Variants in FAM3C observed in about 807,000 individuals in gnomAD.
FAM3C encodes protein FAM3C.
FAM3C carries 15 observed loss-of-function variants against 32.5 expected under a neutral mutation model. The ratio of observed to expected loss-of-function variants is 0.46; its 90% CI spans 0.31 to 0.71. The LOEUF is 0.71. Among genes scored for constraint, FAM3C ranks in the 30% least tolerant of loss-of-function variants. FAM3C has a pLI of 0.05. For missense variants in FAM3C, 175 were observed against 274.4 expected, an observed-to-expected ratio of 0.64 and a Z score of 2.56; for synonymous variants, 75 against 86.1, an observed-to-expected ratio of 0.87 and a Z score of 0.72.
chr7:121,395,704 C>T (rs1037143615), intron 1 of FAM3C, among the ~76,000 whole-genome samples: 2 of 152,138 alleles, frequency 1.3e-5, no homozygotes, highest in East Asian at 1.9e-4. Context: ...GTATAGGCGA[C>T]ACTAAAACTT....
At chr7:121,352,244 C>T (rs1793721044) in intron 8 of FAM3C, among the ~76,000 whole-genome samples, 1 of 151,986 alleles carries the variant, frequency 6.6e-6, no homozygotes, top group Admixed American at 6.6e-5. Context: ...TCAAGTAGCT[C>T]CTTTAATATC....
chr7:121,354,658 G>A (rs1249404364), intron 8 of FAM3C, among the ~76,000 whole-genome samples: 1 of 152,140 alleles, frequency 6.6e-6, no homozygotes, highest in African/African-American at 2.4e-5. Flanking sequence ...AAGCTGGGAA[G>A]GAGAAAGTCT....
chr7:121,382,261 A>G (rs1425749602), intron 2 of FAM3C, among the ~76,000 whole-genome samples: 1 of 152,166 alleles, frequency 6.6e-6, no homozygotes, highest in Non-Finnish European at 1.5e-5. Flanking sequence ...TATTATGAAC[A>G]TCTAATGGTG....
At chr7:121,384,468 C>T (rs775082357) in intron 1 of FAM3C, among the ~76,000 whole-genome samples, 6 of 152,160 alleles carry the variant, frequency 3.9e-5, no homozygotes, top group African/African-American at 1.4e-4. Flanking sequence ...TTCCTGCCAG[C>T]TAATTTTCCA....
chr7:121,374,221 G>T (rs1794200079), intron 3 of FAM3C, among the ~76,000 whole-genome samples: 1 of 152,056 alleles, frequency 6.6e-6, no homozygotes, highest in Non-Finnish European at 1.5e-5. Flanking sequence ...GGGAGAAACT[G>T]AGTAAACAGT....
chr7:121,390,246 C>T (rs1794548076), intron 1 of FAM3C, among the ~76,000 whole-genome samples: 1 of 152,152 alleles, frequency 6.6e-6, no homozygotes, highest in African/African-American at 2.4e-5. Context: ...TAACTAAACT[C>T]AGGATAAGGC....
intron 5 of FAM3C, among the ~76,000 whole-genome samples, chr7:121,368,922 C>T (rs1024370384): frequency 4.6e-5 from 7 of 151,840 alleles, no homozygotes; most frequent in African/African-American, 1.7e-4. Context: ...CCCTGCTGCC[C>T]TGCAGGGCTG....
At chr7:121,359,501 A>G (rs1048564795) in intron 8 of FAM3C, among the ~76,000 whole-genome samples, 2 of 152,208 alleles carry the variant, frequency 1.3e-5, no homozygotes, top group African/African-American at 4.8e-5. Flanking sequence ...CTAAAATATC[A>G]TCAATGTTTA....
intron 3 of FAM3C, among the ~76,000 whole-genome samples, chr7:121,375,152 AAT>A (rs1190189912): frequency 6.6e-6 from 1 of 152,244 alleles, no homozygotes; most frequent in East Asian, 1.9e-4. Context: ...GCCAAATTGA[AAT>A]ATAAGTACTA....
At chr7:121,366,331 T>C (rs565606537) in intron 5 of FAM3C, among the ~76,000 whole-genome samples, 3 of 152,264 alleles carry the variant, frequency 2.0e-5, no homozygotes, top group South Asian at 4.2e-4. Context: ...ATGTGGTATA[T>C]CCATACAATG....
chr7:121,390,223 G>T (rs1452659917), intron 1 of FAM3C, among the ~76,000 whole-genome samples: 1 of 152,104 alleles, frequency 6.6e-6, no homozygotes, highest in African/African-American at 2.4e-5. Context: ...TTTGCATCTT[G>T]CTTCCCTCAT....
At chr7:121,383,953 A>G (rs1794412836) in intron 1 of FAM3C, among the ~76,000 whole-genome samples, 1 of 152,148 alleles carries the variant, frequency 6.6e-6, no homozygotes, top group Non-Finnish European at 1.5e-5. Flanking sequence ...TTATGTTTCA[A>G]TATTGTTGCC....
At chr7:121,371,641 A>T (rs1794149549) in intron 4 of FAM3C, among the ~76,000 whole-genome samples, 1 of 152,166 alleles carries the variant, frequency 6.6e-6, no homozygotes, top group African/African-American at 2.4e-5. Context: ...CAGACACCAG[A>T]TCTTCCTAGG....
intron 8 of FAM3C, among the ~76,000 whole-genome samples, chr7:121,355,932 T>A (rs1194048630): frequency 6.6e-6 from 1 of 151,572 alleles, no homozygotes; most frequent in Non-Finnish European, 1.5e-5. Context: ...TGGGCCTACA[T>A]CAGCAAAATT....
At chr7:121,357,750 C>T (rs1793842082) in intron 8 of FAM3C, among the ~76,000 whole-genome samples, 1 of 152,132 alleles carries the variant, frequency 6.6e-6, no homozygotes, top group Non-Finnish European at 1.5e-5. Context: ...AGAGGTTGAA[C>T]TCTCTTCCAA....
At chr7:121,372,169 G>C in intron 3 of FAM3C, 30 bp from the exon 4 acceptor site, 1 of 1,548,962 alleles carries the variant, frequency 6.5e-7, no homozygotes, top group Non-Finnish European at 8.9e-7. Context: ...TTTGTTAGAA[G>C]GAATGAGTCT....
intron 2 of FAM3C, among the ~76,000 whole-genome samples, chr7:121,382,113 T>C (rs1157811822): frequency 1.4e-4 from 21 of 152,192 alleles, no homozygotes; most frequent in Admixed American, 1.4e-3. Context: ...ATGTAAAGTA[T>C]GCATTTCTTC....
intron 3 of FAM3C, 34 bp from the exon 4 acceptor site, chr7:121,372,173 T>C (rs934678460): frequency 2.0e-6 from 3 of 1,502,934 alleles, no homozygotes; most frequent in Non-Finnish European, 2.8e-6. Flanking sequence ...TTAGAAGGAA[T>C]GAGTCTATTG....
At chr7:121,356,104 C>T (rs937346609) in intron 8 of FAM3C, among the ~76,000 whole-genome samples, 15 of 149,764 alleles carry the variant, frequency 1.0e-4, no homozygotes, top group East Asian at 7.8e-4. Context: ...CAAAAACTCA[C>T]GAGCCAAAAA....
Sources: allele counts gnomAD v4.1 joint callset (sites outside exome capture counted in the v4.1 genomes callset), GRCh38; gene constraint gnomAD v4.1.1; transcripts MANE v1.5; gene names NCBI Gene and HGNC (gene_info 2026-07-23, HGNC 2026-07-21).